ARHGAP15: variants seen among roughly 807,000 people sequenced by gnomAD.
ARHGAP15 encodes the protein Rho GTPase activating protein 15.
In ARHGAP15, 51 loss-of-function variants were observed where a neutral mutation model predicts 63.7. That is an observed-to-expected ratio of 0.80 (90% CI 0.64 to 1.01). The LOEUF (loss-of-function observed/expected upper bound fraction) is 1.01, where lower values mean the gene tolerates loss of function less well. Among genes scored for constraint, ARHGAP15 ranks in the 50% least tolerant of loss-of-function variants. The pLI, the probability that ARHGAP15 is intolerant of heterozygous loss-of-function variation, is 0.00. For missense variants in ARHGAP15, 560 were observed against 564.6 expected (o/e 0.99, Z 0.08); for synonymous variants, 191 against 193.8 (o/e 0.99, Z 0.12).
At chr2:143,236,918 T>G (rs1204900117) in intron 5 of ARHGAP15, 1 of 152,186 alleles carries the variant, frequency 6.6e-6, no homozygotes, top group African/African-American at 2.4e-5. Context: ...TTGTGTTTCT[T>G]CTCTAAGTTG....
intron 6 of ARHGAP15, among the ~76,000 whole-genome samples, chr2:143,403,731 T>C (rs1156968952): frequency 6.6e-6 from 1 of 151,938 alleles, no homozygotes; most frequent in East Asian, 1.9e-4. Flanking sequence ...CGTGTATTTT[T>C]CTGTGTGTGT....
At chr2:143,327,359 C>T (rs547219304) in intron 6 of ARHGAP15, among the ~76,000 whole-genome samples, 1 of 152,300 alleles carries the variant, frequency 6.6e-6, no homozygotes, top group South Asian at 2.1e-4. Context: ...TCCTATCAAG[C>T]TACCATTGAC....
intron 2 of ARHGAP15, among the ~76,000 whole-genome samples, chr2:143,159,567 G>A (rs969336237): frequency 5.3e-5 from 8 of 151,922 alleles, no homozygotes; most frequent in Non-Finnish European, 1.0e-4. Flanking sequence ...GTAATTGCCC[G>A]TATTGGTTTT....
At chr2:143,450,031 C>T (rs1332728534) in intron 8 of ARHGAP15, among the ~76,000 whole-genome samples, 1 of 145,770 alleles carries the variant, frequency 6.9e-6, no homozygotes, top group Non-Finnish European at 1.5e-5. Flanking sequence ...AGACAGCTTA[C>T]ATAAGAATAA....
intron 3 of ARHGAP15, among the ~76,000 whole-genome samples, chr2:143,206,998 GT>G (rs1339241437): frequency 2.6e-5 from 4 of 151,152 alleles, no homozygotes; most frequent in Admixed American, 2.0e-4. Context: ...GTGCCCCAAA[GT>G]TTTTTACATA....
chr2:143,342,019 A>G (rs977728459), intron 6 of ARHGAP15, among the ~76,000 whole-genome samples: 3 of 152,166 alleles, frequency 2.0e-5, no homozygotes, highest in African/African-American at 7.2e-5. Context: ...CTTATCCAAT[A>G]TTCTTCACAA....
intron 2 of ARHGAP15, among the ~76,000 whole-genome samples, chr2:143,182,709 C>T (rs1391253594): frequency 6.6e-6 from 1 of 152,138 alleles, no homozygotes; most frequent in Non-Finnish European, 1.5e-5. Context: ...AACTCAGAGA[C>T]ATTTGAGGCA....
At chr2:143,464,434 A>G (rs1374680803) in intron 8 of ARHGAP15, among the ~76,000 whole-genome samples, 2 of 152,314 alleles carry the variant, frequency 1.3e-5, no homozygotes, top group East Asian at 3.9e-4. Flanking sequence ...TTTAAGACAT[A>G]CAACAACATA....
intron 12 of ARHGAP15, among the ~76,000 whole-genome samples, chr2:143,675,811 T>C (rs1015009398): frequency 3.9e-5 from 6 of 152,242 alleles, no homozygotes; most frequent in Non-Finnish European, 2.9e-5. Flanking sequence ...AAATGAGCAC[T>C]GGCTTCAACT....
At chr2:143,211,237 G>A (rs934642574) in intron 3 of ARHGAP15, among the ~76,000 whole-genome samples, 1 of 151,146 alleles carries the variant, frequency 6.6e-6, no homozygotes, top group Admixed American at 6.6e-5. Flanking sequence ...AAGAGAAAGA[G>A]TGCAACCTAA....
intron 7 of ARHGAP15, 45 bp from the exon 8 acceptor site, chr2:143,436,868 T>G: frequency 6.3e-7 from 1 of 1,582,382 alleles, no homozygotes; most frequent in Admixed American, 2.0e-5. Flanking sequence ...GGTGAATCCT[T>G]TCTTTCTAGT....
intron 2 of ARHGAP15, among the ~76,000 whole-genome samples, chr2:143,174,841 A>C (rs1690948912): frequency 1.3e-5 from 2 of 152,140 alleles, no homozygotes; most frequent in Admixed American, 1.3e-4. Context: ...TCTATAATGA[A>C]GTCTTTATAC....
intron 6 of ARHGAP15, among the ~76,000 whole-genome samples, chr2:143,298,318 C>A (rs1353770831): frequency 6.6e-6 from 1 of 151,852 alleles, no homozygotes; most frequent in Non-Finnish European, 1.5e-5. Context: ...TTGATGTAAT[C>A]CCTAGTTAGC....
chr2:143,283,100 GTT>G (rs1004415888), intron 6 of ARHGAP15, among the ~76,000 whole-genome samples: 3 of 152,072 alleles, frequency 2.0e-5, no homozygotes, highest in Non-Finnish European at 4.4e-5. Context: ...TTCCCCAGGA[GTT>G]TTTTTGCTAA....
chr2:143,719,859 T>C (rs1329499619), intron 13 of ARHGAP15, among the ~76,000 whole-genome samples: 1 of 152,190 alleles, frequency 6.6e-6, no homozygotes, highest in Non-Finnish European at 1.5e-5. Flanking sequence ...CATACTTCCC[T>C]GGCAATCACA....
intron 6 of ARHGAP15, among the ~76,000 whole-genome samples, chr2:143,321,061 G>A (rs1313472920): frequency 6.6e-6 from 1 of 152,092 alleles, no homozygotes; most frequent in Non-Finnish European, 1.5e-5. Context: ...GGTACCCCTG[G>A]ATGCCTGGAT....
At chr2:143,529,274 A>T (rs554977713) in intron 10 of ARHGAP15, among the ~76,000 whole-genome samples, 1 of 152,276 alleles carries the variant, frequency 6.6e-6, no homozygotes, top group African/African-American at 2.4e-5. Context: ...TACAGACAGA[A>T]TCATTCACCA....
intron 6 of ARHGAP15, among the ~76,000 whole-genome samples, chr2:143,353,693 T>C (rs1279080313): frequency 6.6e-6 from 1 of 152,198 alleles, no homozygotes; most frequent in East Asian, 1.9e-4. Context: ...AATTGTGAGA[T>C]GGTTGCAGCC....
At chr2:143,394,783 G>A (rs775931859) in intron 6 of ARHGAP15, among the ~76,000 whole-genome samples, 3 of 152,122 alleles carry the variant, frequency 2.0e-5, no homozygotes, top group Admixed American at 6.6e-5. Context: ...GAGTTAAGGA[G>A]ACTGGAGAAA....
Sources: allele counts gnomAD v4.1 joint callset (sites outside exome capture counted in the v4.1 genomes callset), GRCh38; gene constraint gnomAD v4.1.1; transcripts MANE v1.5; gene names NCBI Gene and HGNC (gene_info 2026-07-23, HGNC 2026-07-21).